The following HSPG2 variants were observed in gnomAD, a reference collection of about 807,000 sequenced individuals.
The protein encoded by HSPG2 is basement membrane-specific heparan sulfate proteoglycan core protein.
Under a neutral mutation model 526.6 loss-of-function variants are expected in HSPG2, and 278 were observed. That is an observed-to-expected ratio of 0.53 (90% CI 0.48 to 0.58). The LOEUF (loss-of-function observed/expected upper bound fraction) is 0.58, where lower values mean the gene tolerates loss of function less well. Ranked by LOEUF, HSPG2 falls within the 20% of genes least tolerant of loss-of-function variation. The pLI is 0.00. For synonymous variants in HSPG2, 2,465 were observed against 2,555.4 expected, an observed-to-expected ratio of 0.96 and a Z score of 1.07; for missense variants, 5,354 against 6,099.5, an observed-to-expected ratio of 0.88 and a Z score of 4.07.
intron 22 of HSPG2, 30 bp from the exon 23 acceptor site, chr1:21,876,435 G>GGCC (rs762431927): frequency 5.6e-6 from 9 of 1,610,894 alleles, no homozygotes; most frequent in Non-Finnish European, 6.8e-6. Context: ...CTGGGATGGG[G>GGCC]GCCGTGGCCT....
rs759622393 is a variant in HSPG2, at chr1:21,846,243, G to A, written c.8329C>T (p.Arg2777Trp). The change falls in exon 64 of 97, where the codon CGG becomes TGG. Residue 2777 changes from arginine to tryptophan, a missense_variant. Arg to Trp is a moderately radical substitution (Grantham distance 101). Coordinates refer to ENST00000374695, the MANE Select transcript of HSPG2 (RefSeq NM_005529.7). The part of the protein sequence containing the change: ...LPSHHQTRGS[R>W]LRLHHVSPAD... ...GGGGACACATGGTGCAGCCGCAGCC[G>A]TGAGCCGCGGGTCTGAATAGGGGAC... The A allele has an allele frequency of 1.4e-5, 23 of 1,612,928 alleles. 1 individual carries two copies. In the East Asian group the frequency reaches 2.2e-4, roughly 16 times the overall value.
At chr1:21,835,709 C>T (rs1435462994) in intron 75 of HSPG2, 72 bp from the exon 76 acceptor site, 20 of 1,176,234 alleles carry the variant, frequency 1.7e-5, no homozygotes, top group South Asian at 5.0e-5. Context: ...TTGGGCTGGG[C>T]GTGGTGGCTC....
chr1:21,854,445 C>T (rs1572236662), intron 49 of HSPG2, 102 bp from the exon 50 acceptor site: 1 of 1,488,210 alleles, frequency 6.7e-7, no homozygotes, highest in Non-Finnish European at 9.1e-7. Context: ...TGGCTCTGCT[C>T]CGAGCCATCC....
At position 21,850,092 on chromosome 1, in the gene HSPG2, A is replaced by G. The variant is rs747859730; in HGVS notation, c.7395T>C (p.His2465=). 1 of 1,613,486 alleles carries G rather than the reference A, an allele frequency of 6.2e-7. No homozygotes were observed. Among genetic ancestry groups the G allele is most frequent in the Non-Finnish European group, 8.5e-7 (1 of 1,180,024 alleles). Residue 2465 remains histidine (H), a synonymous_variant, in exon 57 of 97, where the codon CAT becomes CAC. Coordinates refer to ENST00000374695, the MANE Select transcript of HSPG2 (RefSeq NM_005529.7). ...CGCGCTTGTGCCACGTGACCTGGGCATGGGCCTGACCAGCAACGAGGCAGT... is the reference window on the plus strand; with the variant it reads ...CGCGCTTGTGCCACGTGACCTGGGCGTGGGCCTGACCAGCAACGAGGCAGT... The part of the protein sequence containing the change: ...DLNCLVAGQA[H]AQVTWHKRGG...
In HSPG2 at chr1:21,850,184, C is replaced by T; in HGVS notation, c.7303G>A (p.Val2435Ile). ...GACTCGATCCGGACCGTGGGGGTGA[C>T]CCCAAGTGCTGGGGACAGAGGGCAA... ...EPAGSVPALGVTPTVRIESSS... is the reference protein window; with the variant it reads ...EPAGSVPALGITPTVRIESSS... The change falls in exon 57 of 97, where the codon GTC becomes ATC. Residue 2435 changes from valine (V) to isoleucine (I), a missense_variant. Transcript: ENST00000374695. The T allele has an allele frequency of 6.2e-7, 1 of 1,613,352 alleles. No individual in the cohort carries two copies. The highest frequency in any genetic ancestry group is 8.5e-7 in the Non-Finnish European group (1 of 1,180,044).
intron 14 of HSPG2, among the ~76,000 whole-genome samples, 195 bp from the exon 15 acceptor site, chr1:21,881,030 G>T (rs1383030096): frequency 2.0e-5 from 3 of 152,202 alleles, no homozygotes; most frequent in Non-Finnish European, 4.4e-5. Flanking sequence ...TTTGGTCCAT[G>T]GCAGGGTGTG....
chr1:21,839,990 C>A lies in HSPG2; in HGVS notation c.9541G>T (p.Gly3181Cys). 1 of 1,614,170 alleles carries A rather than the reference C, an allele frequency of 6.2e-7. No homozygotes were observed. Residue 3181 changes from glycine (G) to cysteine (C), a missense_variant, in exon 72 of 97, where the codon GGC becomes TGC. Coordinates refer to ENST00000374695, the MANE Select transcript of HSPG2 (RefSeq NM_005529.7). The surrounding 1 kb of genome is among the most constrained non-coding windows in gnomAD (Gnocchi z 4.5). ...TTCTGAGCAAGGCACACATAAGTGC[C>A]CGCATCTGATGGTTTAGCTGATGAA... is the stretch of plus-strand genomic sequence containing the variant. ...QISSAKPSDA[G>C]TYVCLAQNAL...
In HSPG2 at chr1:21,878,286, T is replaced by C. The variant is rs867486114; in HGVS notation, c.2618-33A>G. ...ACAAAACGAGTGTTGGCAGGGCAGG[T>C]GGGAATGGGATATACGTGGTCCGGG... is the stretch of plus-strand genomic sequence containing the variant. On this transcript the variant is annotated intron_variant, in intron 20 of 96. Transcript: ENST00000374695. 6.8e-6 allele frequency: 11 copies of C among 1,609,864 alleles called. No homozygotes were observed. The Middle Eastern group carries it at 1.2e-3, about 169-fold the overall frequency.
intron 33 of HSPG2, among the ~76,000 whole-genome samples, chr1:21,866,745 T>C (rs1076028): frequency 0.091 from 13,923 of 152,268 alleles, 1,334 homozygotes; most frequent in African/African-American, 0.25. Flanking sequence ...CTTTCTCTCC[T>C]CTGCCACCAG....
intron 39 of HSPG2, 39 bp downstream of exon 39, chr1:21,861,718 T>C: frequency 6.3e-7 from 1 of 1,584,056 alleles, no homozygotes; most frequent in South Asian, 1.1e-5. Flanking sequence ...GTCCACCATT[T>C]GTCCTCCACC....
rs1329679560 is a variant in HSPG2 at position 21,872,336 on chromosome 1, G to A, written c.4071C>T (p.Ala1357=). ...GGCTGTTTCGCTGTGGGTTCACCAG[G>A]GCAAAGCCTTGGAAGTCCCCAGGGG... ...HFAPGDFQGF[A]LVNPQRNSRL... Residue 1357 remains alanine, a synonymous_variant, in exon 33 of 97, where the codon GCC becomes GCT. Coordinates refer to ENST00000374695, the MANE Select transcript of HSPG2 (RefSeq NM_005529.7). This position sits in a 1 kb window ranked among gnomAD's most constrained non-coding sequence, Gnocchi z 5.5. The A allele has an allele frequency of 2.5e-6, 4 of 1,582,318 alleles. No individual in the cohort carries two copies. In the African/African-American group the frequency reaches 4.0e-5, roughly 16 times the overall value.
rs559484140 is a variant in HSPG2 at position 21,824,249 on chromosome 1, G to C, written c.12816-45C>G. 1 of 1,613,232 alleles carries C rather than the reference G, an allele frequency of 6.2e-7. No individual in the cohort carries two copies. The highest frequency in any genetic ancestry group is 8.5e-7 in the Non-Finnish European group (1 of 1,179,454). Reference sequence around the variant, plus strand: ...AGAAGTATGAGCTGGGGCAGGACCGGGGGGTGGGGTGCTGGGACCAGGGAA... The same window carrying C: ...AGAAGTATGAGCTGGGGCAGGACCGCGGGGTGGGGTGCTGGGACCAGGGAA... On this transcript the variant is annotated intron_variant, in intron 94 of 96. Coordinates refer to ENST00000374695, the MANE Select transcript of HSPG2 (RefSeq NM_005529.7). This position sits in a 1 kb window ranked among gnomAD's most constrained non-coding sequence, Gnocchi z 5.9.
Position 21,839,060 on chromosome 1 carries a change from T to C in HSPG2, c.9915A>G (p.Pro3305=). Residue 3305 remains proline, a synonymous_variant, in exon 74 of 97, where the codon CCA becomes CCG. Transcript: ENST00000374695. The surrounding 1 kb of genome is among the most constrained non-coding windows in gnomAD (Gnocchi z 4.5). ...CCCCTGCCTGCACCGAAGCGTGCTC[T>C]GGGACCGTGGTGGCATATGGTGGGC... is the stretch of plus-strand genomic sequence containing the variant. ...VESPPYATTV[P]EHASVQAGET... 6.3e-7 allele frequency: 1 copy of C among 1,590,330 alleles called. No individual in the cohort carries two copies. Among genetic ancestry groups the C allele is most frequent in the Non-Finnish European group, 8.6e-7 (1 of 1,162,804 alleles).
At position 21,824,880 on chromosome 1, in the gene HSPG2, G is replaced by A; in HGVS notation, c.12590-101C>T. 8.9e-7 allele frequency: 1 copy of A among 1,121,444 alleles called. No individual in the cohort carries two copies. Among genetic ancestry groups the A allele is most frequent in the Non-Finnish European group, 1.3e-6 (1 of 757,648 alleles). 69.5% of individuals were successfully genotyped at this position (1,121,444 alleles called of 1,614,324 possible). ...ACCTCCACGCCAACATGCAGGACTA[G>A]GGGGCTCCGAGCCTGCAGTCCCTGG... is the stretch of plus-strand genomic sequence containing the variant. On this transcript the variant is annotated intron_variant, in intron 91 of 96. Coordinates refer to ENST00000374695, the MANE Select transcript of HSPG2 (RefSeq NM_005529.7). This position sits in a 1 kb window ranked among gnomAD's most constrained non-coding sequence, Gnocchi z 5.9.
rs766873852 is a variant in HSPG2 at position 21,847,666 on chromosome 1, G to A, written c.8025+23C>T. The A allele has an allele frequency of 7.1e-5, 114 of 1,601,816 alleles. No homozygotes were observed. In the Admixed American group the frequency reaches 1.6e-3, roughly 23 times the overall value. The stretch of plus-strand genomic sequence containing the variant: ...CCCAGGAGACCATGGTTCCACCCCC[G>A]CTGCTGTGGCTCCACTCTGTACCTG... On this transcript the variant is annotated intron_variant, in intron 61 of 96. Coordinates refer to ENST00000374695, the MANE Select transcript of HSPG2 (RefSeq NM_005529.7). The surrounding 1 kb of genome is among the most constrained non-coding windows in gnomAD (Gnocchi z 4.1).
chr1:21,934,070 C>G (rs540859197), intron 1 of HSPG2, among the ~76,000 whole-genome samples: 5 of 152,222 alleles, frequency 3.3e-5, no homozygotes, highest in Non-Finnish European at 7.3e-5. Flanking sequence ...CAAGGCCTGC[C>G]GAGTCACCCA....
intron 76 of HSPG2, 96 bp from the exon 77 acceptor site, chr1:21,835,041 G>T: frequency 7.3e-7 from 1 of 1,365,966 alleles, no homozygotes; most frequent in Non-Finnish European, 1.0e-6. Context: ...GAGCACTGAA[G>T]CTCCAGCATT....
Position 21,865,488 on chromosome 1 carries a change from A to C in HSPG2, c.4315-123T>G, listed in dbSNP as rs1640154537. The C allele has an allele frequency of 9.9e-7, 1 of 1,007,956 alleles. No individual in the cohort carries two copies. The highest frequency in any genetic ancestry group is 1.3e-5 in the South Asian group (1 of 76,074). The allele number at this position is 1,007,956 out of a possible 1,614,324, so 62.4% of individuals were successfully genotyped here. A position where few individuals can be genotyped will look rare whatever the true frequency, so the allele number is the denominator to read the frequency against. ...CCCACCTCTCTGCTCTCCCAAGCTC[A>C]TGCGCCCAAAGGAGTCAGGCACATG... On this transcript the variant is annotated intron_variant, in intron 34 of 96. Coordinates refer to ENST00000374695, the MANE Select transcript of HSPG2 (RefSeq NM_005529.7). The surrounding 1 kb of genome is among the most constrained non-coding windows in gnomAD (Gnocchi z 5.4).
In HSPG2 at chr1:21,869,724, G is replaced by A. The variant is rs895887177; in HGVS notation, c.4221+2462C>T. 40 of 986,082 alleles carry A rather than the reference G, an allele frequency of 4.1e-5. No individual in the cohort carries two copies. The East Asian group carries it at 2.6e-3, about 64-fold the overall frequency. 61.1% of individuals were successfully genotyped at this position (986,082 alleles called of 1,614,324 possible). A position where few individuals can be genotyped will look rare whatever the true frequency, so the allele number is the denominator to read the frequency against. ...GCAGAGAGGGACAGAAAGGACGTCC[G>A]TGAGGCTTCACCTCCCCACGGGCCC... On this transcript the variant is annotated intron_variant, in intron 33 of 96. Transcript: ENST00000374695.
Sources: allele counts gnomAD v4.1 joint callset (sites outside exome capture counted in the v4.1 genomes callset), GRCh38; gene constraint gnomAD v4.1.1; non-coding constraint Gnocchi (gnomAD v3.1); transcripts MANE v1.5; gene names NCBI Gene and HGNC (gene_info 2026-07-23, HGNC 2026-07-21).